The following EDA variants were observed in gnomAD, a reference collection of about 807,000 sequenced individuals.
The protein encoded by EDA is ectodysplasin-A.
In EDA, 2 loss-of-function variants were observed where a neutral mutation model predicts 23.6. That is an observed-to-expected ratio of 0.08 (90% confidence interval 0.03 to 0.27). The LOEUF is 0.27. Among genes scored for constraint, EDA ranks in the 10% least tolerant of loss-of-function variants. The pLI is 1.00. For missense variants in EDA, 229 were observed against 324.2 expected, an observed-to-expected ratio of 0.71 and a Z score of 2.26; for synonymous variants, 131 against 132.0, an observed-to-expected ratio of 0.99 and a Z score of 0.05.
intron 1 of EDA, among the ~76,000 whole-genome samples, chrX:69,706,672 A>G (rs1197000110): frequency 9.0e-6 from 1 of 111,605 alleles, no homozygotes; most frequent in East Asian, 2.8e-4. Context: ...TAGATTTACA[A>G]TTTTTCTAAT....
chrX:69,751,970 T>A (rs2013896327), intron 1 of EDA, among the ~76,000 whole-genome samples: 1 of 110,554 alleles, frequency 9.0e-6, no homozygotes, highest in Non-Finnish European at 1.9e-5. Context: ...CTTAAGGAGA[T>A]TTTGGGCTGC....
intron 1 of EDA, among the ~76,000 whole-genome samples, chrX:69,695,110 A>C (rs1408625946): frequency 9.0e-6 from 1 of 111,509 alleles, no homozygotes; most frequent in African/African-American, 3.3e-5. Context: ...GCTTGAACTC[A>C]TGAGTTTGAG....
chrX:69,813,845 C>A (rs2016017497), intron 1 of EDA, among the ~76,000 whole-genome samples: 1 of 110,113 alleles, frequency 9.1e-6, no homozygotes, highest in Non-Finnish European at 1.9e-5. Context: ...ACAAAGACAG[C>A]TGTCTGACAG....
At chrX:69,676,409 C>T (rs959325501) in intron 1 of EDA, among the ~76,000 whole-genome samples, 9 of 110,739 alleles carry the variant, frequency 8.1e-5, no homozygotes, top group Non-Finnish European at 1.1e-4. Flanking sequence ...GTTGATTGAA[C>T]GTGGCATGTG....
intron 1 of EDA, among the ~76,000 whole-genome samples, chrX:69,709,622 A>G (rs1247752412): frequency 9.0e-6 from 1 of 111,662 alleles, no homozygotes; most frequent in East Asian, 2.8e-4. Context: ...AACCCATACT[A>G]GCTCCTAGTG....
At chrX:69,656,081 C>G (rs1933312792) in intron 1 of EDA, among the ~76,000 whole-genome samples, 1 of 109,745 alleles carries the variant, frequency 9.1e-6, no homozygotes, top group Non-Finnish European at 1.9e-5. Flanking sequence ...TTGTCTGTGC[C>G]TCTCAGGTAA....
intron 2 of EDA, among the ~76,000 whole-genome samples, chrX:69,988,584 G>A (rs111427247): frequency 0.033 from 3,749 of 111,994 alleles, 156 homozygotes; most frequent in African/African-American, 0.12. Context: ...GGCCAGTCGC[G>A]GTGGCTCATG....
At chrX:69,834,191 G>A (rs1021600242) in intron 1 of EDA, among the ~76,000 whole-genome samples, 7 of 110,735 alleles carry the variant, frequency 6.3e-5, no homozygotes, top group Non-Finnish European at 1.1e-4. Flanking sequence ...TTGATTTGGG[G>A]TGGAGAGTTC....
intron 1 of EDA, among the ~76,000 whole-genome samples, chrX:69,896,398 A>AGTGTGTGTGTGT (rs373119823): frequency 1.6e-4 from 16 of 97,317 alleles, no homozygotes; most frequent in African/African-American, 5.0e-4. Flanking sequence ...TATGTGCATC[A>AGTGTGTGTGTGT]GTGTGTGTGT....
intron 1 of EDA, among the ~76,000 whole-genome samples, chrX:69,685,665 C>T (rs1044375698): frequency 9.0e-6 from 1 of 111,726 alleles, no homozygotes; most frequent in Non-Finnish European, 1.9e-5. Flanking sequence ...GGTTTCTAGT[C>T]CCCCACATCC....
At chrX:69,860,635 CCTT>C (rs903022943) in intron 1 of EDA, among the ~76,000 whole-genome samples, 2 of 110,152 alleles carry the variant, frequency 1.8e-5, no homozygotes, top group Admixed American at 9.7e-5. Context: ...GGTGACCTGA[CCTT>C]CTCTCTAGCT....
chrX:70,015,310 C>T (rs1025173929), intron 2 of EDA, among the ~76,000 whole-genome samples: 13 of 112,054 alleles, frequency 1.2e-4, no homozygotes, highest in East Asian at 2.8e-4. Context: ...CAGTGGCTCA[C>T]GTCTGTAATC....
At chrX:69,716,140 C>T (rs765764953) in intron 1 of EDA, among the ~76,000 whole-genome samples, 15 of 111,833 alleles carry the variant, frequency 1.3e-4, no homozygotes, top group Non-Finnish European at 2.4e-4. Flanking sequence ...GAAATCTTTG[C>T]CTGTGCCTAT....
intron 1 of EDA, among the ~76,000 whole-genome samples, chrX:69,921,969 C>A (rs2018442588): frequency 9.0e-6 from 1 of 111,704 alleles, no homozygotes; most frequent in African/African-American, 3.2e-5. Context: ...CCTCCTCCTC[C>A]ACATACCTCT....
At chrX:69,646,936 C>G (rs1233203826) in intron 1 of EDA, among the ~76,000 whole-genome samples, 3 of 111,461 alleles carry the variant, frequency 2.7e-5, no homozygotes, top group Non-Finnish European at 3.8e-5. Context: ...GATCTTATTT[C>G]TCCTTCACTT....
chrX:69,895,976 A>C (rs1249460369), intron 1 of EDA, among the ~76,000 whole-genome samples: 2 of 112,235 alleles, frequency 1.8e-5, no homozygotes, highest in African/African-American at 6.5e-5. Flanking sequence ...GTGTGGCTTA[A>C]ACAACAGAGA....
At chrX:69,724,117 T>G (rs1316436161) in intron 1 of EDA, among the ~76,000 whole-genome samples, 1 of 112,201 alleles carries the variant, frequency 8.9e-6, no homozygotes, top group Non-Finnish European at 1.9e-5. Context: ...GTGAGGTACC[T>G]GGCTTTCTCC....
intron 1 of EDA, among the ~76,000 whole-genome samples, chrX:69,682,322 G>A (rs1934389600): frequency 8.9e-6 from 1 of 112,615 alleles, no homozygotes; most frequent in Admixed American, 9.3e-5. Flanking sequence ...AGGCAGGCAG[G>A]CCTCCTTGAG....
chrX:69,658,460 T>G (rs190744539), intron 1 of EDA, among the ~76,000 whole-genome samples: 2 of 111,132 alleles, frequency 1.8e-5, no homozygotes, highest in Admixed American at 1.9e-4. Context: ...TTACTCTTTT[T>G]CTATTGGGAT....
Sources: gnomAD v4.1 joint callset for allele counts (sites outside exome capture counted in the v4.1 genomes callset) on GRCh38, gnomAD v4.1.1 for gene constraint, MANE v1.5 for transcripts, NCBI Gene and HGNC (gene_info 2026-07-23, HGNC 2026-07-21) for gene names.